Variants in ACTMAP observed in about 807,000 individuals in gnomAD.
ACTMAP encodes actin maturation protease.
chr19:40,748,035 G>A, the ACTMAP span, among the ~76,000 whole-genome samples: 1 of 152,142 alleles, frequency 6.6e-6, no homozygotes, highest in East Asian at 1.9e-4. Flanking sequence ...TACCTCATGG[G>A]GTTGTTGAGA....
the ACTMAP span, chr19:40,744,039 C>A: frequency 6.2e-7 from 1 of 1,613,970 alleles, no homozygotes; most frequent in Non-Finnish European, 8.5e-7. Flanking sequence ...GCCACCCCTG[C>A]CCTCCTCTCT....
the ACTMAP span, chr19:40,741,925 G>A: frequency 1.4e-4 from 62 of 447,490 alleles, no homozygotes; most frequent in Admixed American, 9.5e-4. Context: ...TCTTCCCTGA[G>A]GTAGTGATAC....
At chr19:40,749,581 G>A in the ACTMAP span, 1 of 1,551,370 alleles carries the variant, frequency 6.4e-7, no homozygotes, top group Non-Finnish European at 8.7e-7. Context: ...CTCTTCTCCA[G>A]GCCGAAGACA....
chr19:40,742,681 G>A, the ACTMAP span: 3 of 1,613,050 alleles, frequency 1.9e-6, no homozygotes, highest in Non-Finnish European at 1.7e-6. Flanking sequence ...GGTTGGCAGG[G>A]CGTGCCCAGC....
the ACTMAP span, among the ~76,000 whole-genome samples, chr19:40,745,500 G>T: frequency 6.6e-6 from 1 of 152,160 alleles, no homozygotes; most frequent in Non-Finnish European, 1.5e-5. Flanking sequence ...ATTTCTCAAA[G>T]TGGTATCTCT....
At chr19:40,747,733 GC>G in the ACTMAP span, among the ~76,000 whole-genome samples, 5 of 152,140 alleles carry the variant, frequency 3.3e-5, no homozygotes, top group South Asian at 1.0e-3. Context: ...GGGCATGGTG[GC>G]GCACATCTGT....
At chr19:40,743,154 T>C in the ACTMAP span, among the ~76,000 whole-genome samples, 1 of 151,998 alleles carries the variant, frequency 6.6e-6, no homozygotes, top group African/African-American at 2.4e-5. Context: ...AACCTGGCCT[T>C]CTTTCTTTCA....
At chr19:40,744,032 AC>A in the ACTMAP span, 1 of 1,613,816 alleles carries the variant, frequency 6.2e-7, no homozygotes, top group Non-Finnish European at 8.5e-7. Context: ...ACCCTTTGCC[AC>A]CCCTGCCCTC....
chr19:40,744,112 T>C, the ACTMAP span: 9 of 1,613,374 alleles, frequency 5.6e-6, no homozygotes, highest in Middle Eastern at 1.7e-4. Flanking sequence ...CAGGACGAGG[T>C]CTCTGTTGGG....
At chr19:40,746,178 T>G in the ACTMAP span, among the ~76,000 whole-genome samples, 4 of 152,186 alleles carry the variant, frequency 2.6e-5, no homozygotes, top group East Asian at 5.8e-4. Flanking sequence ...GGGAGGCCAC[T>G]CAGATAGTCT....
At chr19:40,743,885 A>G in the ACTMAP span, 1 of 1,613,266 alleles carries the variant, frequency 6.2e-7, no homozygotes, top group Admixed American at 1.7e-5. Flanking sequence ...AGGGGTGCAG[A>G]CAAAGGAGGG....
chr19:40,743,199 C>G, the ACTMAP span, among the ~76,000 whole-genome samples: 1 of 151,086 alleles, frequency 6.6e-6, no homozygotes, highest in African/African-American at 2.4e-5. Context: ...GCTGGTAATA[C>G]TTACAGAGAC....
the ACTMAP span, chr19:40,749,482 G>T: frequency 6.6e-7 from 1 of 1,510,476 alleles, no homozygotes; most frequent in South Asian, 1.2e-5. Context: ...AGACCCTACC[G>T]GTCCTTGTGT....
the ACTMAP span, chr19:40,742,229 G>A: frequency 8.5e-6 from 6 of 709,138 alleles, no homozygotes; most frequent in Admixed American, 1.2e-4. Flanking sequence ...GATGGAATAG[G>A]CAGGCCGCAG....
chr19:40,748,376 TA>T, the ACTMAP span, among the ~76,000 whole-genome samples: 48 of 145,360 alleles, frequency 3.3e-4, no homozygotes, highest in East Asian at 4.0e-4. Flanking sequence ...GAAACTCCAT[TA>T]AAAAAAAAAA....
the ACTMAP span, chr19:40,741,850 A>G: frequency 2.4e-5 from 11 of 456,320 alleles, no homozygotes; most frequent in East Asian, 6.3e-4. Context: ...AACTGCTCCC[A>G]GATGGGCTTT....
the ACTMAP span, chr19:40,744,770 G>A: frequency 6.8e-7 from 1 of 1,480,958 alleles, no homozygotes; most frequent in Non-Finnish European, 9.0e-7. Context: ...TTGCTGCCCT[G>A]GAGGAGTCCC....
At chr19:40,747,197 G>C in the ACTMAP span, among the ~76,000 whole-genome samples, 1 of 152,016 alleles carries the variant, frequency 6.6e-6, no homozygotes, top group Non-Finnish European at 1.5e-5. Flanking sequence ...CTGGTTCCTA[G>C]TTTAGGGTAC....
the ACTMAP span, among the ~76,000 whole-genome samples, chr19:40,745,645 A>G: frequency 2.0e-5 from 3 of 152,126 alleles, no homozygotes; most frequent in Non-Finnish European, 4.4e-5. Context: ...GAGTATAGGC[A>G]TGCACCACCA....
Sources: allele counts gnomAD v4.1 joint callset (sites outside exome capture counted in the v4.1 genomes callset), GRCh38; gene constraint gnomAD v4.1.1; transcripts MANE v1.5; gene names NCBI Gene and HGNC (gene_info 2026-07-23, HGNC 2026-07-21).